CFAP44: variants seen among roughly 807,000 people sequenced by gnomAD.
CFAP44 encodes the protein cilia and flagella associated protein 44, also known as cilia- and flagella-associated protein 44.
A neutral mutation model predicts 216.2 loss-of-function variants in CFAP44; 134 were observed. The observed-to-expected ratio is 0.62, with a 90% CI of 0.54 to 0.72. CFAP44 has a LOEUF of 0.72. Ranked by LOEUF, CFAP44 falls within the 30% of genes least tolerant of loss-of-function variation. The probability of loss-of-function intolerance (pLI) is 0.00; values close to 1 mark genes in which losing one functional copy is unlikely to be tolerated. For synonymous variants in CFAP44, 700 were observed against 727.6 expected, an observed-to-expected ratio of 0.96 and a Z score of 0.61; for missense variants, 2,035 against 2,182.1, an observed-to-expected ratio of 0.93 and a Z score of 1.34.
chr3:113,291,570 G>A lies in CFAP44; in HGVS notation c.5552C>T (p.Pro1851Leu), dbSNP rs1949829073. ...IQSPREKEIQPADL is the reference protein window; with the variant it reads ...IQSPREKEIQLADL ...AAAATAGCAAACTCAAAGGTCTGCG[G>A]GCTGTATCTCTTTCTCTCGTGGAGA... The change falls in exon 35 of 35, where the codon CCC (proline) becomes CTC (leucine). Residue 1851 changes from proline to leucine, a missense_variant. Physicochemically the swap from Pro to Leu is moderately conservative, Grantham distance 98. Around this residue, in one of 3 missense-constraint regions of CFAP44, gnomAD observed 1,883 missense variants for 2,023.7 expected, o/e 0.93. Coordinates refer to ENST00000393845, the MANE Select transcript of CFAP44 (RefSeq NM_001164496.2). 1 of 1,537,116 alleles carries A rather than the reference G, an allele frequency of 6.5e-7. No individual in the cohort carries two copies. The highest frequency in any genetic ancestry group is 8.7e-7 in the Non-Finnish European group (1 of 1,146,828).
At chr3:113,345,579 T>G (rs1950373673) in intron 22 of CFAP44, among the ~76,000 whole-genome samples, 1 of 152,202 alleles carries the variant, frequency 6.6e-6, no homozygotes, top group African/African-American at 2.4e-5. Flanking sequence ...ATTCCCCTAT[T>G]TGCCTCTGTA....
At chr3:113,375,568 CTG>C (rs1933317607) in intron 17 of CFAP44, among the ~76,000 whole-genome samples, 1 of 152,178 alleles carries the variant, frequency 6.6e-6, no homozygotes. Flanking sequence ...AGAAGCAACA[CTG>C]TGGTAGATAA....
intron 26 of CFAP44, among the ~76,000 whole-genome samples, chr3:113,329,874 C>T (rs947248897): frequency 2.0e-5 from 3 of 152,136 alleles, no homozygotes; most frequent in Non-Finnish European, 2.9e-5. Flanking sequence ...TTCCCCTTTA[C>T]GATGACTTCA....
chr3:113,302,950 A>T (rs767488737), intron 32 of CFAP44, among the ~76,000 whole-genome samples: 9 of 152,198 alleles, frequency 5.9e-5, no homozygotes, highest in Non-Finnish European at 2.9e-5. Context: ...TACAGAAAAT[A>T]AAATAAATAA....
At chr3:113,431,404 A>T (rs1935102480) in intron 2 of CFAP44, among the ~76,000 whole-genome samples, 1 of 152,212 alleles carries the variant, frequency 6.6e-6, no homozygotes, top group Non-Finnish European at 1.5e-5. Context: ...GGTCATTATC[A>T]TTAAATCCAT....
chr3:113,375,556 C>A (rs1428836101), intron 17 of CFAP44, among the ~76,000 whole-genome samples: 1 of 151,970 alleles, frequency 6.6e-6, no homozygotes, highest in East Asian at 1.9e-4. Flanking sequence ...AAAAGATAGG[C>A]CAGAAGCAAC....
chr3:113,402,298 T>C (rs561521049), intron 9 of CFAP44, among the ~76,000 whole-genome samples: 2 of 152,366 alleles, frequency 1.3e-5, no homozygotes, highest in African/African-American at 2.4e-5. Context: ...TTTCCCCAAG[T>C]GCATACCACC....
Position 113,426,279 on chromosome 3 carries a change from T to A in CFAP44, c.254-2A>T, listed in dbSNP as rs1553763142. 6.2e-7 allele frequency: 1 copy of A among 1,611,338 alleles called. No homozygotes were observed. Among genetic ancestry groups the A allele is most frequent in the South Asian group, 1.1e-5 (1 of 90,806 alleles). ...CTGGAGCAGGGGTTTGCTGAGGTAC[T>A]AAAAAAATAAAATAATTTAAGAAGA... is the stretch of plus-strand genomic sequence containing the variant. On this transcript the variant is annotated splice_acceptor_variant, in intron 3 of 34. Coordinates refer to ENST00000393845, the MANE Select transcript of CFAP44 (RefSeq NM_001164496.2). LOFTEE classifies it high-confidence loss of function.
intron 31 of CFAP44, 98 bp downstream of exon 31, chr3:113,304,938 C>T (rs1422858719): frequency 1.3e-5 from 14 of 1,061,902 alleles, no homozygotes; most frequent in Admixed American, 9.4e-5. Flanking sequence ...CAAAGAACCA[C>T]GATTCTCCCC....
intron 22 of CFAP44, among the ~76,000 whole-genome samples, chr3:113,355,036 A>G (rs2107304171): frequency 6.6e-6 from 1 of 152,226 alleles, no homozygotes; most frequent in East Asian, 1.9e-4. Flanking sequence ...CCCCAGTACC[A>G]ACCTGGAGCC....
chr3:113,301,491 A>G (rs1949934575), intron 32 of CFAP44, among the ~76,000 whole-genome samples: 1 of 152,136 alleles, frequency 6.6e-6, no homozygotes, highest in Admixed American at 6.5e-5. Flanking sequence ...GCTTATATGT[A>G]TGTTCCACAT....
At chr3:113,432,346 G>A (rs1402482019) in intron 2 of CFAP44, 1 of 152,056 alleles carries the variant, frequency 6.6e-6, no homozygotes, top group African/African-American at 2.4e-5. Context: ...AAATTATTTT[G>A]CCCATTTTTT....
intron 2 of CFAP44, among the ~76,000 whole-genome samples, chr3:113,432,432 C>T (rs928217026): frequency 1.3e-5 from 2 of 152,146 alleles, no homozygotes; most frequent in African/African-American, 2.4e-5. Context: ...TGCTAAAAGA[C>T]TTGTCTTTTA....
At chr3:113,427,829 C>T in intron 2 of CFAP44, among the ~76,000 whole-genome samples, 1 of 151,984 alleles carries the variant, frequency 6.6e-6, no homozygotes, top group South Asian at 2.1e-4. Context: ...TATAAGCCAA[C>T]ATTCAGATCA....
intron 22 of CFAP44, among the ~76,000 whole-genome samples, chr3:113,350,094 C>T (rs980129186): frequency 6.6e-6 from 1 of 152,008 alleles, no homozygotes; most frequent in Non-Finnish European, 1.5e-5. Context: ...TCTTACACTG[C>T]CGAAGCCATG....
At chr3:113,308,113 C>T (rs944316800) in intron 29 of CFAP44, 45 bp downstream of exon 29, 5 of 1,432,204 alleles carry the variant, frequency 3.5e-6, no homozygotes, top group Non-Finnish European at 4.7e-6. Context: ...TATTGCCAAT[C>T]AATATTCACA....
At chr3:113,379,187 TA>T (rs201331393) in intron 17 of CFAP44, 118 bp downstream of exon 17, 825 of 783,764 alleles carry the variant, frequency 1.1e-3, no homozygotes, top group South Asian at 2.0e-3. Context: ...AAATGAAATC[TA>T]AAAAAAAATA....
At chr3:113,315,637 T>C (rs1011022717) in intron 28 of CFAP44, among the ~76,000 whole-genome samples, 1 of 152,146 alleles carries the variant, frequency 6.6e-6, no homozygotes, top group African/African-American at 2.4e-5. Context: ...TACAGACAGT[T>C]TCTGACTTAA....
At chr3:113,409,417 G>A (rs1934391305) in intron 6 of CFAP44, 95 bp from the exon 7 acceptor site, 1 of 1,123,422 alleles carries the variant, frequency 8.9e-7, no homozygotes, top group Non-Finnish European at 1.3e-6. Context: ...AGCCCATGGT[G>A]ATGTAAGAAT....
Sources: allele counts gnomAD v4.1 joint callset (sites outside exome capture counted in the v4.1 genomes callset), GRCh38; gene constraint gnomAD v4.1.1; regional missense constraint gnomAD v4.1.1; transcripts MANE v1.5; gene names NCBI Gene and HGNC (gene_info 2026-07-23, HGNC 2026-07-21).